ACSF3: variants seen among roughly 807,000 people sequenced by gnomAD.
ACSF3 encodes malonate--CoA ligase ACSF3, mitochondrial.
A neutral mutation model predicts 53.2 loss-of-function variants in ACSF3; 78 were observed. That is an observed-to-expected ratio of 1.47 (90% CI 1.22 to 1.77). The LOEUF (loss-of-function observed/expected upper bound fraction) is 1.77, where lower values mean the gene tolerates loss of function less well. Among genes scored for constraint, ACSF3 ranks in the 40% most tolerant of loss-of-function variants. The pLI, the probability that ACSF3 is intolerant of heterozygous loss-of-function variation, is 0.00. For synonymous variants in ACSF3, 414 were observed against 333.1 expected, an observed-to-expected ratio of 1.24 and a Z score of -2.65; for missense variants, 937 against 771.1, an observed-to-expected ratio of 1.22 and a Z score of -2.55.
rs961506470 is a variant in ACSF3, at chr16:89,131,409, G to A, written c.1240-1727G>A. On this transcript the variant is annotated intron_variant, in intron 7 of 10. Coordinates refer to ENST00000614302, the MANE Select transcript of ACSF3 (RefSeq NM_001243279.3). ...CCAAAGTGTGCCCTTACTTTTTGGA[G>A]CATTTTTATAATAGTGCTTTAAAGT... 3.9e-5 allele frequency among the ~76,000 whole-genome samples: 6 copies of A among 152,140 alleles called. No homozygotes were observed. In the South Asian group the frequency reaches 1.2e-3, roughly 32 times the overall value.
Position 89,114,666 on chromosome 16 carries a change from A to G in ACSF3, c.1126+179A>G, listed in dbSNP as rs1427596681. The G allele has an allele frequency of 6.9e-6, 6 of 870,360 alleles. No homozygotes were observed. The East Asian group carries it at 1.6e-4, about 23-fold the overall frequency. 53.9% of individuals were successfully genotyped at this position (870,360 alleles called of 1,614,324 possible). A position where few individuals can be genotyped will look rare whatever the true frequency, so the allele number is the denominator to read the frequency against. On this transcript the variant is annotated intron_variant, in intron 6 of 10. Coordinates refer to ENST00000614302, the MANE Select transcript of ACSF3 (RefSeq NM_001243279.3). Reference sequence around the variant, plus strand: ...GCACTGCGACCTGTCCCCTCTGGGTAGATCAGCCTTCTCCCAAGTCTCAGT... The same window carrying G: ...GCACTGCGACCTGTCCCCTCTGGGTGGATCAGCCTTCTCCCAAGTCTCAGT...
rs773436445 is a variant in ACSF3, at chr16:89,093,854, TG to T, written c.-333del. 7.7e-6 allele frequency: 2 copies of T among 258,118 alleles called. No homozygotes were observed. Among genetic ancestry groups the T allele is most frequent in the South Asian group, 3.4e-5 (1 of 28,994 alleles). 16.0% of individuals were successfully genotyped at this position (258,118 alleles called of 1,614,324 possible). On this transcript the variant is annotated 5_prime_UTR_variant, in exon 1 of 11. Coordinates refer to ENST00000614302, the MANE Select transcript of ACSF3 (RefSeq NM_001243279.3). The stretch of plus-strand genomic sequence containing the variant: ...GGACGCGCCGCGCCGGGGAAGCTGT[TG>T]GGCGCCGGAACTGGTCCGGCCCGAC...
At chr16:89,098,981 G>A (rs764675906) in intron 2 of ACSF3, among the ~76,000 whole-genome samples, 1 of 152,274 alleles carries the variant, frequency 6.6e-6, no homozygotes, top group African/African-American at 2.4e-5. Flanking sequence ...GGCCTGGGAC[G>A]CTGTCAGACC....
At position 89,112,165 on chromosome 16, in the gene ACSF3, A is replaced by T. The variant is rs1487418713; in HGVS notation, c.896A>T (p.Lys299Met). The change falls in exon 5 of 11, where the codon AAG becomes ATG. Residue 299 changes from lysine (K) to methionine (M), a missense_variant. Transcript: ENST00000614302. ...ATGGCAGTGCCTACAATATACACCA[A>T]GCTGATGGAGTACTACGACAGGCAT... Reference protein sequence around the residue: ...VFMAVPTIYTKLMEYYDRHFT... With the variant: ...VFMAVPTIYTMLMEYYDRHFT... 1 of 1,229,664 alleles carries T rather than the reference A, an allele frequency of 8.1e-7. No individual in the cohort carries two copies. The highest frequency in any genetic ancestry group is 1.0e-6 in the Non-Finnish European group (1 of 967,098). 76.2% of individuals were successfully genotyped at this position (1,229,664 alleles called of 1,614,324 possible). A position where few individuals can be genotyped will look rare whatever the true frequency, so the allele number is the denominator to read the frequency against.
At position 89,154,440 on chromosome 16, in the gene ACSF3, C is replaced by T. The variant is rs977104689; in HGVS notation, c.*233C>T. 4.7e-5 allele frequency: 31 copies of T among 654,624 alleles called. No individual in the cohort carries two copies. Among genetic ancestry groups the T allele is most frequent in the Admixed American group, 6.2e-5 (3 of 48,382 alleles). 40.6% of individuals were successfully genotyped at this position (654,624 alleles called of 1,614,324 possible). On this transcript the variant is annotated 3_prime_UTR_variant, in exon 11 of 11. Transcript: ENST00000614302. Reference sequence around the variant, plus strand: ...GGTGTCACCTCTGCCTGGTCACCGCCGACCTCATCTGTGCAGCGCGGTGCA... The same window carrying T: ...GGTGTCACCTCTGCCTGGTCACCGCTGACCTCATCTGTGCAGCGCGGTGCA...
intron 4 of ACSF3, among the ~76,000 whole-genome samples, chr16:89,103,598 A>G (rs1240165758): frequency 6.6e-6 from 1 of 152,216 alleles, no homozygotes; most frequent in African/African-American, 2.4e-5. Context: ...CACCACTGCG[A>G]GAGGTGACAC....
In ACSF3 at chr16:89,112,368, T is replaced by G. The variant is rs563451516; in HGVS notation, c.977+122T>G. ...CAGTGCTTTCCATTTCCTTTCAATG[T>G]TCCCTCTCTCTCTACCCGTCTCCGT... On this transcript the variant is annotated intron_variant, in intron 5 of 10. Coordinates refer to ENST00000614302, the MANE Select transcript of ACSF3 (RefSeq NM_001243279.3). The G allele has an allele frequency of 3.2e-5, 40 of 1,243,526 alleles. No individual in the cohort carries two copies. In the African/African-American group the frequency reaches 5.4e-4, roughly 17 times the overall value. 77.0% of individuals were successfully genotyped at this position (1,243,526 alleles called of 1,614,324 possible).
In ACSF3 at chr16:89,114,486, A is replaced by G. The variant is rs898167774; in HGVS notation, c.1125A>G (p.Pro375=). The change falls in exon 6 of 11, where the codon CCA becomes CCG. Residue 375 remains proline, a splice_region_variant and synonymous_variant. Transcript: ENST00000614302. The stretch of plus-strand genomic sequence containing the variant: ...CCCTGACCACTGCCGTGCGCCTGCC[A>G]GGTACGAGCACTTCCCACAGCTGCG... The part of the protein sequence containing the change: ...SGPLTTAVRL[P]GSVGTPLPGV... 5.0e-6 allele frequency: 8 copies of G among 1,611,110 alleles called. No individual in the cohort carries two copies. Among genetic ancestry groups the G allele is most frequent in the South Asian group, 2.2e-5 (2 of 91,076 alleles).
In ACSF3 at chr16:89,114,459, G is replaced by T; in HGVS notation, c.1098G>T (p.Gly366=). The T allele has an allele frequency of 6.2e-7, 1 of 1,613,100 alleles. No individual in the cohort carries two copies. The highest frequency in any genetic ancestry group is 8.5e-7 in the Non-Finnish European group (1 of 1,180,026). The part of the protein sequence containing the change: ...GMTEIGMALS[G]PLTTAVRLPG... ...CCGAGATCGGCATGGCTCTGTCCGG[G>T]CCCCTGACCACTGCCGTGCGCCTGC... The change falls in exon 6 of 11, where the codon GGG becomes GGT. Residue 366 remains glycine, a synonymous_variant. Coordinates refer to ENST00000614302, the MANE Select transcript of ACSF3 (RefSeq NM_001243279.3).
At chr16:89,150,917 T>A in intron 10 of ACSF3, 3 of 1,135,572 alleles carry the variant, frequency 2.6e-6, no homozygotes, top group Non-Finnish European at 3.4e-6. Flanking sequence ...GGAAGTAAGT[T>A]AGAGGATTAA....
chr16:89,095,470 C>G (rs942989067), intron 1 of ACSF3, among the ~76,000 whole-genome samples: 2 of 152,084 alleles, frequency 1.3e-5, no homozygotes, highest in African/African-American at 4.8e-5. Flanking sequence ...GAAAATAACC[C>G]TCCAAACCAC....
At chr16:89,129,078 G>A (rs1445024344) in intron 7 of ACSF3, among the ~76,000 whole-genome samples, 2 of 152,228 alleles carry the variant, frequency 1.3e-5, no homozygotes, top group Non-Finnish European at 1.5e-5. Flanking sequence ...GCTGCAGTGA[G>A]CTGTGATGAT....
chr16:89,106,118 A>T (rs955323915), intron 4 of ACSF3, among the ~76,000 whole-genome samples: 1 of 152,048 alleles, frequency 6.6e-6, no homozygotes, highest in African/African-American at 2.4e-5. Context: ...CTGCTCCGAG[A>T]GTGTCTACCC....
chr16:89,128,091 A>G (rs1198084020), intron 7 of ACSF3, among the ~76,000 whole-genome samples: 1 of 151,594 alleles, frequency 6.6e-6, no homozygotes, highest in Non-Finnish European at 1.5e-5. Flanking sequence ...GGTTTCTTCT[A>G]CTTGCTTCTG....
At chr16:89,120,968 C>G in intron 7 of ACSF3, 55 bp downstream of exon 7, 1 of 1,530,086 alleles carries the variant, frequency 6.5e-7, no homozygotes, top group Middle Eastern at 1.7e-4. Flanking sequence ...CTAGGCCCCC[C>G]AGGGTGGTTA....
In ACSF3 at chr16:89,135,242, C is replaced by T. The variant is rs187491661; in HGVS notation, c.1366+1980C>T. On this transcript the variant is annotated intron_variant, in intron 8 of 10. Transcript: ENST00000614302. ...CCATGCCCTTCCACAGGGAGCAGAG[C>T]GGGGGGCTGCAGCGTGCAGGCGGGA... Among the ~76,000 whole-genome samples, 8 of 152,304 alleles carry T rather than the reference C, an allele frequency of 5.3e-5. No homozygotes were observed. The East Asian group carries it at 1.5e-3, about 29-fold the overall frequency.
chr16:89,153,904 C>T (rs1914416694), intron 10 of ACSF3, 186 bp from the exon 11 acceptor site: 1 of 631,390 alleles, frequency 1.6e-6, no homozygotes, highest in Non-Finnish European at 2.8e-6. Context: ...CTGCAGTCAC[C>T]ACCCCTGGGC....
chr16:89,133,008 C>G (rs1175288931), intron 7 of ACSF3, 128 bp from the exon 8 acceptor site: 3 of 1,372,986 alleles, frequency 2.2e-6, no homozygotes, highest in East Asian at 4.6e-5. Context: ...CAACAAAGCG[C>G]TCAGTTTCAG....
intron 8 of ACSF3, among the ~76,000 whole-genome samples, chr16:89,142,744 C>T (rs1283637038): frequency 2.0e-5 from 3 of 152,020 alleles, no homozygotes; most frequent in Non-Finnish European, 4.4e-5. Context: ...GACACACCCA[C>T]ACCTGCAGAG....
Sources: gnomAD v4.1 joint callset for allele counts (sites outside exome capture counted in the v4.1 genomes callset) on GRCh38, gnomAD v4.1.1 for gene constraint, MANE v1.5 for transcripts, NCBI Gene and HGNC (gene_info 2026-07-23, HGNC 2026-07-21) for gene names.